SLC8B1: variants seen among roughly 807,000 people sequenced by gnomAD.
SLC8B1 encodes the protein mitochondrial sodium/calcium exchanger protein.
Under a neutral mutation model 63.4 loss-of-function variants are expected in SLC8B1, and 52 were observed. That is an observed-to-expected ratio of 0.82 (90% confidence interval 0.66 to 1.03). The LOEUF (loss-of-function observed/expected upper bound fraction) is 1.03. Ranked by LOEUF, SLC8B1 falls within the 50% of genes least tolerant of loss-of-function variation. The probability of loss-of-function intolerance (pLI) is 0.00; values close to 1 mark genes in which losing one functional copy is unlikely to be tolerated. For synonymous variants in SLC8B1, 336 were observed against 323.9 expected, an observed-to-expected ratio of 1.04 and a Z score of -0.40; for missense variants, 657 against 741.7, an observed-to-expected ratio of 0.89 and a Z score of 1.33.
rs992382653 is a variant in SLC8B1, at chr12:113,320,146, C to A, written c.694+185G>T. On this transcript the variant is annotated intron_variant, in intron 7 of 15. Transcript: ENST00000680972. The surrounding 1 kb of genome is among the most constrained non-coding windows in gnomAD (Gnocchi z 5.3). ...CTCCCCAGCCCCCAGCTCTGCCAGG[C>A]CTCTTTGGTTATGTGACCCACATGT... 2 of 692,100 alleles carry A rather than the reference C, an allele frequency of 2.9e-6. No homozygotes were observed. The highest frequency in any genetic ancestry group is 4.7e-6 in the Non-Finnish European group (2 of 421,484). 42.9% of individuals were successfully genotyped at this position (692,100 alleles called of 1,614,324 possible).
At chr12:113,306,440 C>T (rs1206257291) in intron 14 of SLC8B1, 55 bp downstream of exon 14, 3 of 1,466,540 alleles carry the variant, frequency 2.0e-6, no homozygotes, top group African/African-American at 1.4e-5. Context: ...TGGAGCACAC[C>T]CCACCCACGG....
intron 12 of SLC8B1, among the ~76,000 whole-genome samples, chr12:113,309,421 C>T (rs1409134666): frequency 1.3e-5 from 2 of 152,192 alleles, no homozygotes; most frequent in Non-Finnish European, 2.9e-5. Context: ...TGGAAAAAGA[C>T]ACCCACAAAG....
At chr12:113,303,143 G>A (rs73192851) in intron 15 of SLC8B1, among the ~76,000 whole-genome samples, 3,362 of 101,904 alleles carry the variant, frequency 0.033, 79 homozygotes, top group East Asian at 0.12. Flanking sequence ...ACACACACAC[G>A]CGCGCGCACA....
intron 9 of SLC8B1, 94 bp downstream of exon 9, chr12:113,316,848 A>G: frequency 6.6e-7 from 1 of 1,518,560 alleles, no homozygotes; most frequent in African/African-American, 1.4e-5. Flanking sequence ...TTGGAGCCTC[A>G]TTCCTGGAGC....
chr12:113,333,608 G>A (rs1957087767), intron 1 of SLC8B1, among the ~76,000 whole-genome samples: 2 of 152,012 alleles, frequency 1.3e-5, no homozygotes, highest in South Asian at 4.2e-4. Context: ...CCTGCATCAC[G>A]CCTCCCTCAT....
At position 113,298,792 on chromosome 12, in the gene SLC8B1, T is replaced by TA. The variant is rs1555272839; in HGVS notation, c.*984dup. 26 of 152,100 alleles carry TA rather than the reference T, an allele frequency of 1.7e-4. No homozygotes were observed. The highest frequency in any genetic ancestry group is 6.0e-4 in the African/African-American group (25 of 41,362). 9.4% of individuals were successfully genotyped at this position (152,100 alleles called of 1,614,324 possible). A position where few individuals can be genotyped will look rare whatever the true frequency, so the allele number is the denominator to read the frequency against. On this transcript the variant is annotated 3_prime_UTR_variant, in exon 16 of 16. Coordinates refer to ENST00000680972, the MANE Select transcript of SLC8B1 (RefSeq NM_001358345.2). The stretch of plus-strand genomic sequence containing the variant: ...ACACTTGAAATTTTGACTTTTTTTT[T>TA]ATTTGGAAAAGAGACAGTTGAATCC...
At chr12:113,325,867 AT>A (rs946794917) in intron 2 of SLC8B1, among the ~76,000 whole-genome samples, 3 of 152,042 alleles carry the variant, frequency 2.0e-5, no homozygotes, top group East Asian at 1.9e-4. Flanking sequence ...CCAGCCCTGA[AT>A]TTTTTTTGTC....
At chr12:113,307,946 T>C in intron 12 of SLC8B1, 102 bp from the exon 13 acceptor site, 1 of 1,400,042 alleles carries the variant, frequency 7.1e-7, no homozygotes, top group Non-Finnish European at 9.6e-7. Flanking sequence ...ATCTACCTCA[T>C]GAGCTTATTA....
rs970563231 is a variant in SLC8B1 at position 113,331,463 on chromosome 12, C to G, written c.156+1260G>C. Among the ~76,000 whole-genome samples, 8 of 151,040 alleles carry G rather than the reference C, an allele frequency of 5.3e-5. 1 individual carries two copies. Among genetic ancestry groups the G allele is most frequent in the Non-Finnish European group, 1.2e-4 (8 of 67,914 alleles). On this transcript the variant is annotated intron_variant, in intron 2 of 15. Transcript: ENST00000680972. The stretch of plus-strand genomic sequence containing the variant: ...CACCCTCAATCTGGGTGGGTGCAAT[C>G]TAATCAGCTACCAGCACAGCCAGAA...
chr12:113,320,939 C>T lies in SLC8B1; in HGVS notation c.363-32G>A, dbSNP rs774870060. On this transcript the variant is annotated intron_variant, in intron 4 of 15. Transcript: ENST00000680972. This position sits in a 1 kb window ranked among gnomAD's most constrained non-coding sequence, Gnocchi z 5.3. ...AGAAAAAGCGGACGGGAAGCATTTC[C>T]GTAGTAACCGGCCCCGGACCCCTAT... 18 of 1,595,830 alleles carry T rather than the reference C, an allele frequency of 1.1e-5. No individual in the cohort carries two copies. The East Asian group carries it at 1.6e-4, about 14-fold the overall frequency.
At chr12:113,323,794 CCA>C (rs1353212052) in intron 2 of SLC8B1, among the ~76,000 whole-genome samples, 1 of 152,118 alleles carries the variant, frequency 6.6e-6, no homozygotes, top group Non-Finnish European at 1.5e-5. Flanking sequence ...CTTTGTCAAA[CCA>C]CAGTTCCACC....
At chr12:113,333,892 G>A (rs565025164) in intron 1 of SLC8B1, among the ~76,000 whole-genome samples, 4 of 152,220 alleles carry the variant, frequency 2.6e-5, no homozygotes, top group African/African-American at 7.2e-5. Flanking sequence ...TATTTTTAAC[G>A]GAGACGGGGT....
chr12:113,311,615 T>C (rs1956762031), intron 11 of SLC8B1, among the ~76,000 whole-genome samples: 1 of 151,318 alleles, frequency 6.6e-6, no homozygotes, highest in Non-Finnish European at 1.5e-5. Flanking sequence ...AGTGAGATCT[T>C]GTCTCAAAAA....
In SLC8B1 at chr12:113,320,314, G is replaced by T; in HGVS notation, c.694+17C>A. ...ATCAGCCCTGGGATCTCACGCCTGA[G>T]CCCCAGAGCTGCTCACCCAGAGCCC... is the stretch of plus-strand genomic sequence containing the variant. On this transcript the variant is annotated intron_variant, in intron 7 of 15. Coordinates refer to ENST00000680972, the MANE Select transcript of SLC8B1 (RefSeq NM_001358345.2). This position sits in a 1 kb window ranked among gnomAD's most constrained non-coding sequence, Gnocchi z 5.3. 1 of 1,613,054 alleles carries T rather than the reference G, an allele frequency of 6.2e-7. No homozygotes were observed. Among genetic ancestry groups the T allele is most frequent in the Non-Finnish European group, 8.5e-7 (1 of 1,179,468 alleles).
At chr12:113,300,704 G>A (rs370421078) in intron 15 of SLC8B1, among the ~76,000 whole-genome samples, 4 of 152,164 alleles carry the variant, frequency 2.6e-5, no homozygotes, top group South Asian at 4.1e-4. Context: ...CTTCAGCCAG[G>A]TCCACCTGCC....
intron 8 of SLC8B1, among the ~76,000 whole-genome samples, chr12:113,318,367 TTGTG>T (rs201980293): frequency 2.6e-5 from 4 of 151,924 alleles, no homozygotes; most frequent in Admixed American, 6.5e-5. Context: ...CCTATGTGTG[TTGTG>T]TGTGTTGTAT....
At chr12:113,333,716 G>A (rs1957089494) in intron 1 of SLC8B1, among the ~76,000 whole-genome samples, 1 of 151,582 alleles carries the variant, frequency 6.6e-6, no homozygotes, top group Non-Finnish European at 1.5e-5. Flanking sequence ...TTTGTTTTTT[G>A]TTTGTTTCTT....
intron 7 of SLC8B1, 79 bp from the exon 8 acceptor site, chr12:113,319,150 G>T: frequency 8.8e-7 from 1 of 1,137,208 alleles, no homozygotes; most frequent in Non-Finnish European, 1.3e-6. Flanking sequence ...TTCTATCAGT[G>T]GTGCGTGTTA....
At chr12:113,323,322 CAGG>C (rs1396387107) in intron 2 of SLC8B1, among the ~76,000 whole-genome samples, 1 of 152,204 alleles carries the variant, frequency 6.6e-6, no homozygotes, top group Admixed American at 6.5e-5. Context: ...ACACTCCCAC[CAGG>C]AATGGGAAAT....
Sources: gnomAD v4.1 joint callset for allele counts (sites outside exome capture counted in the v4.1 genomes callset) on GRCh38, gnomAD v4.1.1 for gene constraint, Gnocchi (gnomAD v3.1) non-coding constraint, MANE v1.5 for transcripts, NCBI Gene and HGNC (gene_info 2026-07-23, HGNC 2026-07-21) for gene names.